The following VCAN variants were observed in gnomAD, a reference collection of about 807,000 sequenced individuals.
The protein encoded by VCAN is versican.
VCAN carries 44 observed loss-of-function variants against 245.5 expected under a neutral mutation model. The observed-to-expected ratio is 0.18, with a 90% CI of 0.14 to 0.23. The LOEUF (loss-of-function observed/expected upper bound fraction) is 0.23. Among genes scored for constraint, VCAN ranks in the 10% least tolerant of loss-of-function variants. VCAN has a pLI of 1.00. For missense variants in VCAN, 3,793 were observed against 4,057.9 expected (o/e 0.93, Z 1.77); for synonymous variants, 1,413 against 1,437.0 (o/e 0.98, Z 0.38).
intron 1 of VCAN, among the ~76,000 whole-genome samples, chr5:83,479,201 G>C (rs1424728347): frequency 1.3e-5 from 2 of 152,126 alleles, no homozygotes; most frequent in African/African-American, 4.8e-5. Flanking sequence ...AAGTATCCTA[G>C]AAAGTTGGTT....
At chr5:83,576,250 C>T (rs913439628) in intron 13 of VCAN, among the ~76,000 whole-genome samples, 1 of 152,046 alleles carries the variant, frequency 6.6e-6, no homozygotes, top group East Asian at 1.9e-4. Flanking sequence ...TTATGATATA[C>T]ACTTGTTTCA....
In VCAN at chr5:83,582,115, T is replaced by G. The variant is rs1748697016; in HGVS notation, c.*1681T>G. 6.6e-6 allele frequency: 1 copy of G among 152,176 alleles called. No homozygotes were observed. The highest frequency in any genetic ancestry group is 2.1e-4 in the South Asian group (1 of 4,830). 9.4% of individuals were successfully genotyped at this position (152,176 alleles called of 1,614,324 possible). On this transcript the variant is annotated 3_prime_UTR_variant, in exon 15 of 15. Coordinates refer to ENST00000265077, the MANE Select transcript of VCAN (RefSeq NM_004385.5). ...TTTTAGAGCACAGAACAACACTGTGTTGATCTAGTAGGTTTCTATTTTTCC... is the reference window on the plus strand; with the variant it reads ...TTTTAGAGCACAGAACAACACTGTGGTGATCTAGTAGGTTTCTATTTTTCC...
intron 12 of VCAN, among the ~76,000 whole-genome samples, chr5:83,565,988 T>C (rs1748065670): frequency 6.6e-6 from 1 of 150,814 alleles, no homozygotes; most frequent in Admixed American, 6.6e-5. Flanking sequence ...TTTGAGACGG[T>C]GTCTCACTCT....
In VCAN at chr5:83,485,053, C is replaced by G. The variant is rs530860554; in HGVS notation, c.70+1465C>G. On this transcript the variant is annotated intron_variant, in intron 2 of 14. Coordinates refer to ENST00000265077, the MANE Select transcript of VCAN (RefSeq NM_004385.5). Reference sequence around the variant, plus strand: ...ACACCCAAAACTTGAATAGAACTCCCTATGATCCAGGAACTGTTTTAAGTG... The same window carrying G: ...ACACCCAAAACTTGAATAGAACTCCGTATGATCCAGGAACTGTTTTAAGTG... Among the ~76,000 whole-genome samples, 6 of 152,250 alleles carry G rather than the reference C, an allele frequency of 3.9e-5. No individual in the cohort carries two copies. The South Asian group carries it at 1.0e-3, about 26-fold the overall frequency.
intron 12 of VCAN, among the ~76,000 whole-genome samples, chr5:83,557,127 C>T (rs1747701651): frequency 6.6e-6 from 1 of 152,098 alleles, no homozygotes; most frequent in Non-Finnish European, 1.5e-5. Flanking sequence ...GTCTGGGTTC[C>T]TGTAGATTCC....
intron 6 of VCAN, among the ~76,000 whole-genome samples, chr5:83,514,451 TA>T (rs1447165104): frequency 6.8e-6 from 1 of 147,700 alleles, no homozygotes; most frequent in Non-Finnish European, 1.5e-5. Context: ...TGTGTGTGTG[TA>T]TTTTTTTTTT....
At chr5:83,577,002 T>C (rs976343733) in intron 13 of VCAN, among the ~76,000 whole-genome samples, 5 of 152,156 alleles carry the variant, frequency 3.3e-5, no homozygotes, top group African/African-American at 1.2e-4. Flanking sequence ...GCAAATATCT[T>C]CTCCCAGTTT....
At chr5:83,526,095 A>G (rs1281997754) in intron 7 of VCAN, among the ~76,000 whole-genome samples, 4 of 151,846 alleles carry the variant, frequency 2.6e-5, no homozygotes, top group South Asian at 2.1e-4. Flanking sequence ...GCCTGCCACC[A>G]TGCCTGGCGA....
chr5:83,542,834 AG>A (rs1277316623), intron 8 of VCAN, among the ~76,000 whole-genome samples: 3 of 152,238 alleles, frequency 2.0e-5, no homozygotes, highest in Non-Finnish European at 4.4e-5. Flanking sequence ...AGTGCCTACC[AG>A]TAGTGAGTAG....
rs376235448 is a variant in VCAN at position 83,546,568 on chromosome 5, C to T, written c.9379+918C>T. On this transcript the variant is annotated intron_variant, in intron 9 of 14. Transcript: ENST00000265077. ...CCCAGAAGTTCGAGACCAGCCTGGG[C>T]AACATGGCAGAACCTCACCTCTGCA... 6.2e-5 allele frequency among the ~76,000 whole-genome samples: 9 copies of T among 145,932 alleles called. No homozygotes were observed. In the South Asian group the frequency reaches 2.0e-3, roughly 32 times the overall value.
At position 83,519,921 on chromosome 5, in the gene VCAN, G is replaced by A; in HGVS notation, c.1615G>A (p.Val539Ile). 2 of 1,614,120 alleles carry A rather than the reference G, an allele frequency of 1.2e-6. No individual in the cohort carries two copies. Among genetic ancestry groups the A allele is most frequent in the Non-Finnish European group, 8.5e-7 (1 of 1,179,968 alleles). Residue 539 changes from valine (V) to isoleucine (I), a missense_variant, in exon 7 of 15, where the codon GTT becomes ATT. By Grantham distance (29) the Val-to-Ile change is conservative (BLOSUM62 3). Around this residue, in one of 5 missense-constraint regions of VCAN, gnomAD observed 3,182 missense variants for 3,250.3 expected, o/e 0.98. Transcript: ENST00000265077. ...AACTGAAAAGAAAATGGTAAGCACT[G>A]TTTCTGAATTGGTAACCACAGGTCA... Reference protein sequence around the residue: ...SKTEKKMVSTVSELVTTGHYG... With the variant: ...SKTEKKMVSTISELVTTGHYG...
intron 5 of VCAN, among the ~76,000 whole-genome samples, chr5:83,507,866 C>T (rs1482825084): frequency 6.6e-6 from 1 of 152,138 alleles, no homozygotes; most frequent in African/African-American, 2.4e-5. Flanking sequence ...AAAATGTTAA[C>T]ATCTTGATTG....
chr5:83,512,573 C>T (rs1013264949), intron 6 of VCAN, 177 bp downstream of exon 6: 1 of 829,936 alleles, frequency 1.2e-6, no homozygotes, highest in Non-Finnish European at 1.8e-6. Flanking sequence ...ATGGTTAAAA[C>T]CACAGGAATT....
At chr5:83,481,291 C>T (rs1180757252) in intron 1 of VCAN, among the ~76,000 whole-genome samples, 6 of 146,104 alleles carry the variant, frequency 4.1e-5, no homozygotes, top group African/African-American at 7.6e-5. Flanking sequence ...GTCGCCCAGG[C>T]GCAATCTCAG....
Position 83,490,998 on chromosome 5 carries a change from A to G in VCAN, c.445+526A>G, listed in dbSNP as rs938269828. ...AGAAATAAGGTATTTAATAAAAACC[A>G]TGGTACATATCAGAGTCTTAAAAAG... On this transcript the variant is annotated intron_variant, in intron 3 of 14. Transcript: ENST00000265077. 7.2e-5 allele frequency among the ~76,000 whole-genome samples: 11 copies of G among 152,320 alleles called. No individual in the cohort carries two copies. In the South Asian group the frequency reaches 1.5e-3, roughly 20 times the overall value.
intron 13 of VCAN, among the ~76,000 whole-genome samples, chr5:83,576,654 C>T (rs1244764343): frequency 6.6e-6 from 1 of 151,984 alleles, no homozygotes; most frequent in East Asian, 1.9e-4. Context: ...AAATTTTTTT[C>T]CAAAGTGGTG....
At chr5:83,484,517 A>C (rs868211121) in intron 2 of VCAN, among the ~76,000 whole-genome samples, 1 of 133,098 alleles carries the variant, frequency 7.5e-6, no homozygotes, top group Non-Finnish European at 1.5e-5. Flanking sequence ...CCTTCCATCC[A>C]TCCATCCATC....
rs527661782 is a variant in VCAN at position 83,567,607 on chromosome 5, G to GATTT, written c.9736-4808_9736-4805dup. On this transcript the variant is annotated intron_variant, in intron 12 of 14. Transcript: ENST00000265077. ...GAGACACTGCACCCGGCAACTCTTT[G>GATTT]ATTTTTATGTCACAATTTCCTCTGC... Among the ~76,000 whole-genome samples, 257 of 152,230 alleles carry GATTT rather than the reference G, an allele frequency of 1.7e-3. 1 individual carries two copies. The highest frequency in any genetic ancestry group is 6.1e-3 in the African/African-American group (252 of 41,546).
At chr5:83,568,840 A>T (rs1304873464) in intron 12 of VCAN, among the ~76,000 whole-genome samples, 2 of 152,206 alleles carry the variant, frequency 1.3e-5, no homozygotes, top group Non-Finnish European at 2.9e-5. Flanking sequence ...TATCACTCAG[A>T]CATAAACTCT....
Sources: allele counts gnomAD v4.1 joint callset (sites outside exome capture counted in the v4.1 genomes callset), GRCh38; gene constraint gnomAD v4.1.1; regional missense constraint gnomAD v4.1.1; transcripts MANE v1.5; gene names NCBI Gene and HGNC (gene_info 2026-07-23, HGNC 2026-07-21).